The following CCDC148 variants were observed in gnomAD, a reference collection of about 807,000 sequenced individuals.
The protein encoded by CCDC148 is coiled-coil domain containing 148.
CCDC148 carries 89 observed loss-of-function variants against 85.7 expected under a neutral mutation model. The observed-to-expected ratio is 1.04, with a 90% CI of 0.87 to 1.24. The LOEUF (loss-of-function observed/expected upper bound fraction) is 1.24. Among genes scored for constraint, CCDC148 ranks in the 50% most tolerant of loss-of-function variants. The pLI is 0.00. For synonymous variants in CCDC148, 230 were observed against 213.9 expected, an observed-to-expected ratio of 1.08 and a Z score of -0.66; for missense variants, 692 against 671.7, an observed-to-expected ratio of 1.03 and a Z score of -0.33.
chr2:158,226,332 A>G (rs1439261828), intron 10 of CCDC148, among the ~76,000 whole-genome samples: 1 of 152,162 alleles, frequency 6.6e-6, no homozygotes, highest in African/African-American at 2.4e-5. Context: ...CAACCAAAAA[A>G]AGTCCAGGAC....
intron 9 of CCDC148, among the ~76,000 whole-genome samples, chr2:158,298,326 G>GA (rs1691290251): frequency 1.3e-5 from 2 of 151,116 alleles, no homozygotes; most frequent in African/African-American, 4.9e-5. Flanking sequence ...CCTAGGTGTG[G>GA]TTTTTTTTTG....
At chr2:158,236,769 T>C (rs778075701) in intron 10 of CCDC148, among the ~76,000 whole-genome samples, 6 of 152,184 alleles carry the variant, frequency 3.9e-5, no homozygotes, top group Non-Finnish European at 7.3e-5. Context: ...GAGAGTGATA[T>C]ACTTTTCATT....
At chr2:158,273,971 C>G (rs1386217110) in intron 9 of CCDC148, among the ~76,000 whole-genome samples, 1 of 152,170 alleles carries the variant, frequency 6.6e-6, no homozygotes, top group Non-Finnish European at 1.5e-5. Flanking sequence ...CTGGCCCTTC[C>G]TCTGGGCTCA....
At chr2:158,319,358 G>A (rs1692422523) in intron 7 of CCDC148, among the ~76,000 whole-genome samples, 1 of 152,182 alleles carries the variant, frequency 6.6e-6, no homozygotes, top group Non-Finnish European at 1.5e-5. Flanking sequence ...TCTCCAACAA[G>A]TGTTTGGTAG....
chr2:158,292,769 T>A (rs535847437), intron 9 of CCDC148, among the ~76,000 whole-genome samples: 1 of 152,322 alleles, frequency 6.6e-6, no homozygotes, highest in African/African-American at 2.4e-5. Context: ...TAGACTCAGA[T>A]GAATTAATGG....
intron 1 of CCDC148, among the ~76,000 whole-genome samples, chr2:158,359,877 C>T (rs1479808680): frequency 6.6e-6 from 1 of 152,182 alleles, no homozygotes; most frequent in Non-Finnish European, 1.5e-5. Context: ...AGTGATCTAG[C>T]TCTGTGGATC....
At chr2:158,332,068 T>C (rs1225002763) in intron 7 of CCDC148, among the ~76,000 whole-genome samples, 1 of 152,200 alleles carries the variant, frequency 6.6e-6, no homozygotes. Flanking sequence ...GCTGGTTATT[T>C]TGCTCGTTAG....
intron 11 of CCDC148, among the ~76,000 whole-genome samples, chr2:158,202,661 A>G (rs1326745858): frequency 6.6e-6 from 1 of 152,228 alleles, no homozygotes; most frequent in Admixed American, 6.5e-5. Context: ...AGAGACAAAC[A>G]AAGAAGCTTG....
At chr2:158,285,219 C>A (rs1690561074) in intron 9 of CCDC148, among the ~76,000 whole-genome samples, 1 of 147,636 alleles carries the variant, frequency 6.8e-6, no homozygotes, top group South Asian at 2.1e-4. Flanking sequence ...ACCTCGGAGA[C>A]AGAGGTTGCA....
intron 10 of CCDC148, among the ~76,000 whole-genome samples, chr2:158,238,522 A>AT (rs1265596645): frequency 6.6e-6 from 1 of 152,080 alleles, no homozygotes; most frequent in Non-Finnish European, 1.5e-5. Context: ...TGAAGAAGGT[A>AT]TTTTTTATCT....
chr2:158,432,188 AAGGG>A (rs1477695012), intron 1 of CCDC148, among the ~76,000 whole-genome samples: 2 of 151,966 alleles, frequency 1.3e-5, no homozygotes, highest in Non-Finnish European at 2.9e-5. Context: ...ACATAATCAA[AAGGG>A]AGCAGAAAAA....
chr2:158,204,384 A>G (rs1382672676), intron 11 of CCDC148, among the ~76,000 whole-genome samples: 1 of 152,176 alleles, frequency 6.6e-6, no homozygotes. Context: ...AGTGGATAAA[A>G]CAGAAATAAC....
intron 7 of CCDC148, among the ~76,000 whole-genome samples, chr2:158,322,326 A>T (rs1179004588): frequency 6.6e-6 from 1 of 152,150 alleles, no homozygotes; most frequent in Non-Finnish European, 1.5e-5. Flanking sequence ...CTAATTTAAA[A>T]ATATATTGTA....
chr2:158,351,507 G>C (rs182415805), intron 2 of CCDC148, among the ~76,000 whole-genome samples: 2 of 151,702 alleles, frequency 1.3e-5, no homozygotes, highest in Non-Finnish European at 2.9e-5. Context: ...TGAATACTGC[G>C]CTTTTCCGAC....
intron 10 of CCDC148, among the ~76,000 whole-genome samples, chr2:158,227,589 A>G (rs367960328): frequency 2.0e-5 from 3 of 152,022 alleles, no homozygotes; most frequent in East Asian, 3.9e-4. Flanking sequence ...AAACAGCATG[A>G]TACTGGTACC....
chr2:158,305,708 T>G (rs1257872846), intron 9 of CCDC148, among the ~76,000 whole-genome samples: 1 of 146,320 alleles, frequency 6.8e-6, no homozygotes, highest in East Asian at 2.0e-4. Context: ...GAGCTATGAT[T>G]GCATCACCAC....
intron 12 of CCDC148, 48 bp downstream of exon 12, chr2:158,178,831 C>CTT (rs750885484): frequency 8.6e-7 from 1 of 1,168,254 alleles, no homozygotes; most frequent in Non-Finnish European, 1.3e-6. Flanking sequence ...CACTTAGAAA[C>CTT]ATTTTTTTTA....
Position 158,456,546 on chromosome 2 carries a change from T to A in CCDC148, c.-107A>T. On this transcript the variant is annotated 5_prime_UTR_variant, in exon 1 of 14. Transcript: ENST00000283233. The stretch of plus-strand genomic sequence containing the variant: ...GGGGTACATCTAAGGGCTCAGCTGT[T>A]CCTACCTTTGACGCCAGGGACAAAC... 7.1e-7 allele frequency: 1 copy of A among 1,404,668 alleles called. No homozygotes were observed. Among genetic ancestry groups the A allele is most frequent in the Non-Finnish European group, 9.6e-7 (1 of 1,040,208 alleles). 87.0% of individuals were successfully genotyped at this position (1,404,668 alleles called of 1,614,324 possible).
chr2:158,249,674 TGAC>T, intron 10 of CCDC148, among the ~76,000 whole-genome samples: 1 of 152,074 alleles, frequency 6.6e-6, no homozygotes, highest in Non-Finnish European at 1.5e-5. Flanking sequence ...TCAATAACAA[TGAC>T]AACTGAAGTA....
Sources: allele counts gnomAD v4.1 joint callset (sites outside exome capture counted in the v4.1 genomes callset), GRCh38; gene constraint gnomAD v4.1.1; transcripts MANE v1.5; gene names NCBI Gene and HGNC (gene_info 2026-07-23, HGNC 2026-07-21).